TAFA5: variants seen among roughly 807,000 people sequenced by gnomAD.
TAFA5 encodes TAFA chemokine like family member 5.
A neutral mutation model predicts 15.3 loss-of-function variants in TAFA5; 6 were observed. That is an observed-to-expected ratio of 0.39 (90% CI 0.21 to 0.77). The LOEUF (loss-of-function observed/expected upper bound fraction) is 0.77. TAFA5 is among the 30% of genes least tolerant of loss of function. TAFA5 has a pLI of 0.41. For synonymous variants in TAFA5, 103 were observed against 80.7 expected, an observed-to-expected ratio of 1.28 and a Z score of -1.48; for missense variants, 161 against 193.1, an observed-to-expected ratio of 0.83 and a Z score of 0.98.
chr22:48,605,284 G>A lies in TAFA5; in HGVS notation c.113-41313G>A, dbSNP rs989712108. Among the ~76,000 whole-genome samples, 412 of 50,690 alleles carry A rather than the reference G, an allele frequency of 8.1e-3. 5 individuals are homozygous for A. Among genetic ancestry groups the A allele is most frequent in the Non-Finnish European group, 0.015 (337 of 22,530 alleles). The allele number at this position is 50,690 out of a possible 152,430, so 33.3% of individuals were successfully genotyped here. On this transcript the variant is annotated intron_variant, in intron 1 of 3. Transcript: ENST00000402357. Reference sequence around the variant, plus strand: ...TGATGGTGAGGATGATGGTGATGATGTTGTTAATGGTGGTGATGGTGATGA... The same window carrying A: ...TGATGGTGAGGATGATGGTGATGATATTGTTAATGGTGGTGATGGTGATGA...
intron 1 of TAFA5, among the ~76,000 whole-genome samples, chr22:48,606,207 C>T (rs190652063): frequency 7.9e-5 from 12 of 152,266 alleles, no homozygotes; most frequent in Admixed American, 1.3e-4. Flanking sequence ...CCCCAAAATC[C>T]CACCTCCAGG....
chr22:48,655,535 C>G (rs1012470420), intron 2 of TAFA5, among the ~76,000 whole-genome samples: 2 of 152,140 alleles, frequency 1.3e-5, no homozygotes, highest in African/African-American at 4.8e-5. Flanking sequence ...GCCAGGCTCC[C>G]GCAGTCAAGT....
chr22:48,507,492 C>T (rs892944093), intron 1 of TAFA5, among the ~76,000 whole-genome samples: 1 of 152,210 alleles, frequency 6.6e-6, no homozygotes, highest in Non-Finnish European at 1.5e-5. Context: ...CTTGATTTCT[C>T]TGAAGGAGCA....
At chr22:48,536,887 C>A (rs1372423079) in intron 1 of TAFA5, among the ~76,000 whole-genome samples, 1 of 152,228 alleles carries the variant, frequency 6.6e-6, no homozygotes, top group African/African-American at 2.4e-5. Context: ...AGCCCCCGGA[C>A]ACCCTGGCAC....
chr22:48,732,357 C>T (rs1484471876), intron 3 of TAFA5, among the ~76,000 whole-genome samples: 5 of 152,122 alleles, frequency 3.3e-5, no homozygotes, highest in African/African-American at 9.7e-5. Context: ...CCCGGGTTCA[C>T]GCCATTCTCC....
intron 1 of TAFA5, among the ~76,000 whole-genome samples, chr22:48,556,551 G>C (rs1334037680): frequency 1.3e-5 from 2 of 152,238 alleles, no homozygotes; most frequent in African/African-American, 4.8e-5. Context: ...GAAGACCTTT[G>C]ATTTTTGAAA....
At chr22:48,726,976 G>A (rs979075463) in intron 3 of TAFA5, among the ~76,000 whole-genome samples, 1 of 152,102 alleles carries the variant, frequency 6.6e-6, no homozygotes, top group East Asian at 1.9e-4. Flanking sequence ...ACACATTCAG[G>A]TGTATCTTCC....
chr22:48,546,704 CAG>C (rs2147123997), intron 1 of TAFA5: 1 of 428,460 alleles, frequency 2.3e-6, no homozygotes, highest in Admixed American at 2.5e-5. Flanking sequence ...TCCATTCCTC[CAG>C]GTGCCCAGCA....
chr22:48,630,063 C>G (rs1055816060), intron 1 of TAFA5, among the ~76,000 whole-genome samples: 7 of 152,188 alleles, frequency 4.6e-5, no homozygotes, highest in African/African-American at 1.7e-4. Flanking sequence ...AGGAACTGAC[C>G]TGACTGGGGT....
chr22:48,733,790 G>C (rs138095694), intron 3 of TAFA5, among the ~76,000 whole-genome samples: 282 of 152,254 alleles, frequency 1.9e-3, no homozygotes, highest in Middle Eastern at 0.014. Context: ...ATTGTCTACA[G>C]ATGGGTGGGA....
chr22:48,579,403 G>A (rs983621615), intron 1 of TAFA5, among the ~76,000 whole-genome samples: 2 of 152,162 alleles, frequency 1.3e-5, no homozygotes, highest in Non-Finnish European at 2.9e-5. Flanking sequence ...GGGGAGAGCC[G>A]TCCTTTCTTC....
chr22:48,683,926 T>G (rs1928274846), intron 2 of TAFA5, among the ~76,000 whole-genome samples: 1 of 152,180 alleles, frequency 6.6e-6, no homozygotes, highest in Non-Finnish European at 1.5e-5. Flanking sequence ...GAGACGTGCC[T>G]GCTTCCCCTT....
intron 1 of TAFA5, among the ~76,000 whole-genome samples, chr22:48,561,074 G>A (rs965807579): frequency 1.3e-5 from 2 of 152,172 alleles, no homozygotes; most frequent in Middle Eastern, 3.2e-3. Flanking sequence ...TGGGAGGTGG[G>A]TGGGGACTGT....
At chr22:48,738,442 G>T (rs1338561244) in intron 3 of TAFA5, among the ~76,000 whole-genome samples, 1 of 152,108 alleles carries the variant, frequency 6.6e-6, no homozygotes, top group Non-Finnish European at 1.5e-5. Flanking sequence ...GCCTCTGGGC[G>T]CACAGCAAGG....
intron 2 of TAFA5, among the ~76,000 whole-genome samples, chr22:48,655,830 C>CTTTTTTTTTTTTT (rs1197219539): frequency 1.4e-4 from 9 of 62,400 alleles, no homozygotes; most frequent in East Asian, 6.5e-4. Flanking sequence ...AACACTGATT[C>CTTTTTTTTTTTTT]TTTTTTTTTT....
chr22:48,546,171 G>A (rs1189495486), intron 1 of TAFA5, among the ~76,000 whole-genome samples: 2 of 152,230 alleles, frequency 1.3e-5, no homozygotes, highest in African/African-American at 2.4e-5. Context: ...CGGAAGAAGC[G>A]TGCCTCCCCA....
At chr22:48,714,605 C>T (rs1929348368) in intron 3 of TAFA5, among the ~76,000 whole-genome samples, 1 of 152,206 alleles carries the variant, frequency 6.6e-6, no homozygotes, top group Non-Finnish European at 1.5e-5. Flanking sequence ...ATGGCAGGAA[C>T]TTCTGGAAAC....
intron 1 of TAFA5, among the ~76,000 whole-genome samples, chr22:48,599,647 C>A (rs1321717170): frequency 6.6e-6 from 1 of 152,258 alleles, no homozygotes; most frequent in East Asian, 1.9e-4. Context: ...GCCACCTCCA[C>A]TTCACAGGCC....
chr22:48,558,478 T>C (rs1923115192), intron 1 of TAFA5, among the ~76,000 whole-genome samples: 1 of 152,192 alleles, frequency 6.6e-6, no homozygotes, highest in Non-Finnish European at 1.5e-5. Flanking sequence ...TACAGGGACG[T>C]ATCCTCAAAG....
Sources: gnomAD v4.1 joint callset for allele counts (sites outside exome capture counted in the v4.1 genomes callset) on GRCh38, gnomAD v4.1.1 for gene constraint, MANE v1.5 for transcripts, NCBI Gene and HGNC (gene_info 2026-07-23, HGNC 2026-07-21) for gene names.